Variants in EYA4 observed in about 807,000 individuals in gnomAD.
EYA4 encodes the protein EYA transcriptional coactivator and phosphatase 4.
In EYA4, 31 loss-of-function variants were observed where a neutral mutation model predicts 87.9. That is an observed-to-expected ratio of 0.35 (90% confidence interval 0.27 to 0.48). The LOEUF is 0.48. Ranked by LOEUF, EYA4 falls within the 20% of genes least tolerant of loss-of-function variation. The pLI, the probability that EYA4 is intolerant of heterozygous loss-of-function variation, is 0.99. For synonymous variants in EYA4, 263 were observed against 270.6 expected (o/e 0.97, Z 0.28); for missense variants, 678 against 761.4 (o/e 0.89, Z 1.29).
chr6:133,397,769 G>A (rs1787924713), intron 3 of EYA4, among the ~76,000 whole-genome samples: 1 of 152,190 alleles, frequency 6.6e-6, no homozygotes, highest in Non-Finnish European at 1.5e-5. Context: ...CACAATTATG[G>A]CGGAAGGCAA....
At chr6:133,268,844 A>T (rs1008414502) in intron 1 of EYA4, among the ~76,000 whole-genome samples, 5 of 151,588 alleles carry the variant, frequency 3.3e-5, no homozygotes, top group Non-Finnish European at 7.4e-5. Context: ...CGTGTGAGCT[A>T]AGAGGCAAAA....
intron 3 of EYA4, among the ~76,000 whole-genome samples, chr6:133,427,617 A>G (rs1197599863): frequency 6.6e-6 from 1 of 152,204 alleles, no homozygotes; most frequent in Non-Finnish European, 1.5e-5. Flanking sequence ...TCAAAATTTG[A>G]CACGTACTAG....
intron 9 of EYA4, 110 bp from the exon 10 acceptor site, chr6:133,464,669 G>C: frequency 1.3e-6 from 1 of 750,434 alleles, no homozygotes; most frequent in South Asian, 1.5e-5. Context: ...AAATTTCACT[G>C]TCTTCACGAC....
chr6:133,294,051 ATAT>A (rs1562257630), intron 2 of EYA4, among the ~76,000 whole-genome samples: 1 of 90,714 alleles, frequency 1.1e-5, no homozygotes, highest in Non-Finnish European at 2.4e-5. Flanking sequence ...ATATATATAT[ATAT>A]ATATATATAA....
intron 3 of EYA4, among the ~76,000 whole-genome samples, chr6:133,425,388 T>G (rs1384551820): frequency 6.7e-6 from 1 of 150,348 alleles, no homozygotes; most frequent in Non-Finnish European, 1.5e-5. Context: ...TTGACCTGAA[T>G]GGAAATCAGT....
At chr6:133,422,179 A>G (rs1006790824) in intron 3 of EYA4, among the ~76,000 whole-genome samples, 96 of 152,270 alleles carry the variant, frequency 6.3e-4, no homozygotes, top group African/African-American at 2.2e-3. Flanking sequence ...AATAAACACT[A>G]CAGACTCTGA....
At chr6:133,335,334 C>A (rs775106495) in intron 2 of EYA4, among the ~76,000 whole-genome samples, 1 of 152,164 alleles carries the variant, frequency 6.6e-6, no homozygotes, top group Non-Finnish European at 1.5e-5. Flanking sequence ...CACTTTCATT[C>A]TATCTTTAAA....
chr6:133,338,622 A>C (rs902087072), intron 2 of EYA4, among the ~76,000 whole-genome samples: 1 of 152,180 alleles, frequency 6.6e-6, no homozygotes, highest in African/African-American at 2.4e-5. Flanking sequence ...AAAACCATGA[A>C]TCCTGCTACA....
At chr6:133,486,403 T>C (rs79800864) in intron 13 of EYA4, among the ~76,000 whole-genome samples, 4,599 of 152,170 alleles carry the variant, frequency 0.03, 220 homozygotes, top group African/African-American at 0.1. Context: ...AGAGATGACG[T>C]TGGGTAGCTT....
intron 3 of EYA4, among the ~76,000 whole-genome samples, chr6:133,415,878 G>A (rs1248926052): frequency 6.6e-6 from 1 of 152,204 alleles, no homozygotes; most frequent in Non-Finnish European, 1.5e-5. Flanking sequence ...AGCGTGGAAG[G>A]GCAATAGTAG....
intron 3 of EYA4, among the ~76,000 whole-genome samples, chr6:133,439,076 A>AAAAG (rs1491114528): frequency 2.2e-5 from 3 of 136,296 alleles, no homozygotes; most frequent in Admixed American, 7.3e-5. Context: ...AAAAAAAAAA[A>AAAAG]GTCTTTGGGT....
At chr6:133,321,844 T>C (rs1454241886) in intron 2 of EYA4, among the ~76,000 whole-genome samples, 2 of 152,158 alleles carry the variant, frequency 1.3e-5, no homozygotes, top group African/African-American at 4.8e-5. Flanking sequence ...AGGTGTGTCC[T>C]CTCTACTGTT....
intron 3 of EYA4, among the ~76,000 whole-genome samples, chr6:133,416,242 G>A (rs1001557555): frequency 6.6e-6 from 1 of 152,146 alleles, no homozygotes; most frequent in African/African-American, 2.4e-5. Flanking sequence ...GATAATGGAA[G>A]GTTGTTGCAT....
At chr6:133,401,389 AAG>A (rs4053073) in intron 3 of EYA4, among the ~76,000 whole-genome samples, 81,216 of 151,904 alleles carry the variant, frequency 0.53, 26,684 homozygotes, top group Non-Finnish European at 0.73. Context: ...AAATCTCTAA[AAG>A]AGAATAATTG....
At chr6:133,468,006 T>A (rs575997913) in intron 10 of EYA4, among the ~76,000 whole-genome samples, 1 of 152,078 alleles carries the variant, frequency 6.6e-6, no homozygotes, top group Non-Finnish European at 1.5e-5. Flanking sequence ...GCATGTAGTT[T>A]GTGAGAGGCT....
rs1795061066 is a variant in EYA4 at position 133,468,703 on chromosome 6, A to C, written c.942A>C (p.Glu314Asp). 5 of 1,613,000 alleles carry C rather than the reference A, an allele frequency of 3.1e-6. No individual in the cohort carries two copies. Among genetic ancestry groups the C allele is most frequent in the Non-Finnish European group, 4.2e-6 (5 of 1,179,302 alleles). ...PSSTSTYQLQ[E>D]SLPGLTNQPG... ...CAACCTCTACTTATCAGTTGCAGGA[A>C]TCTCTCCCAGGACTGACTAACCAAC... The change falls in exon 11 of 20, where the codon GAA becomes GAC. Residue 314 changes from glutamate (E) to aspartate (D), a missense_variant. Transcript: ENST00000355286.
chr6:133,350,737 C>G (rs1256450093), intron 2 of EYA4, among the ~76,000 whole-genome samples: 2 of 152,010 alleles, frequency 1.3e-5, no homozygotes, highest in East Asian at 3.8e-4. Flanking sequence ...TGATCTTTTC[C>G]ACTTCAGTGT....
chr6:133,424,514 C>A (rs1011595012), intron 3 of EYA4, among the ~76,000 whole-genome samples: 24 of 152,258 alleles, frequency 1.6e-4, no homozygotes, highest in African/African-American at 4.8e-4. Context: ...CAAACACCCC[C>A]CCCCCAGCCT....
At chr6:133,433,358 C>T (rs1224607355) in intron 3 of EYA4, among the ~76,000 whole-genome samples, 1 of 152,164 alleles carries the variant, frequency 6.6e-6, no homozygotes, top group Non-Finnish European at 1.5e-5. Context: ...AAGCGCATGC[C>T]AGAGGCTCGG....
Sources: allele counts gnomAD v4.1 joint callset (sites outside exome capture counted in the v4.1 genomes callset), GRCh38; gene constraint gnomAD v4.1.1; transcripts MANE v1.5; gene names NCBI Gene and HGNC (gene_info 2026-07-23, HGNC 2026-07-21).